The following BEND7 variants were observed in gnomAD, a reference collection of about 807,000 sequenced individuals.
BEND7 encodes BEN domain containing 7.
Under a neutral mutation model 50.9 loss-of-function variants are expected in BEND7, and 28 were observed. The observed-to-expected ratio is 0.55, with a 90% confidence interval of 0.41 to 0.75. The LOEUF is 0.75. Ranked by LOEUF, BEND7 falls within the 30% of genes least tolerant of loss-of-function variation. The pLI is 0.00. For missense variants in BEND7, 477 were observed against 491.3 expected, an observed-to-expected ratio of 0.97 and a Z score of 0.28; for synonymous variants, 170 against 183.9, an observed-to-expected ratio of 0.92 and a Z score of 0.61.
chr10:13,511,559 C>G (rs2078275149), intron 2 of BEND7, among the ~76,000 whole-genome samples: 1 of 152,132 alleles, frequency 6.6e-6, no homozygotes, highest in Admixed American at 6.6e-5. Context: ...CAAGAAAAGT[C>G]AAGCAGGGAG....
intron 6 of BEND7, among the ~76,000 whole-genome samples, chr10:13,465,434 A>C (rs545606431): frequency 6.6e-6 from 1 of 152,322 alleles, no homozygotes; most frequent in South Asian, 2.1e-4. Context: ...CAGTCGTACA[A>C]GACACAAAAG....
At chr10:13,472,924 G>A (rs767796030) in intron 6 of BEND7, among the ~76,000 whole-genome samples, 28 of 151,790 alleles carry the variant, frequency 1.8e-4, no homozygotes, top group Non-Finnish European at 3.5e-4. Flanking sequence ...TACACTCAGG[G>A]CCAATATCTG....
rs749265261 is a variant in BEND7, at chr10:13,441,789, A to G, written c.1235-39T>C. Reference sequence around the variant, plus strand: ...AGGGACTGTTGTCAGGAACGGGATTACTTACTGGCCAGAAATGGAAAAAGG... The same window carrying G: ...AGGGACTGTTGTCAGGAACGGGATTGCTTACTGGCCAGAAATGGAAAAAGG... On this transcript the variant is annotated intron_variant, in intron 8 of 8. Coordinates refer to ENST00000466271, the MANE Select transcript of BEND7 (RefSeq NM_001369863.1). 6 of 1,594,844 alleles carry G rather than the reference A, an allele frequency of 3.8e-6. No individual in the cohort carries two copies. The Admixed American group carries it at 1.0e-4, about 27-fold the overall frequency.
At chr10:13,478,503 AT>A (rs2075623473) in intron 6 of BEND7, among the ~76,000 whole-genome samples, 1 of 152,236 alleles carries the variant, frequency 6.6e-6, no homozygotes, top group Non-Finnish European at 1.5e-5. Flanking sequence ...TCAGGTAGAA[AT>A]GTTGACTAGC....
intron 5 of BEND7, among the ~76,000 whole-genome samples, chr10:13,481,922 C>T (rs1282376626): frequency 6.6e-6 from 1 of 152,214 alleles, no homozygotes; most frequent in Non-Finnish European, 1.5e-5. Flanking sequence ...GCTCAGCACG[C>T]CTTCTCCAAC....
At chr10:13,483,824 G>A (rs1162716959) in intron 5 of BEND7, among the ~76,000 whole-genome samples, 3 of 152,180 alleles carry the variant, frequency 2.0e-5, no homozygotes, top group African/African-American at 7.2e-5. Flanking sequence ...TTGGCTGCTG[G>A]GGGTACGGGA....
chr10:13,470,561 A>G (rs1038394036), intron 6 of BEND7, among the ~76,000 whole-genome samples: 4 of 152,224 alleles, frequency 2.6e-5, no homozygotes, highest in African/African-American at 9.7e-5. Context: ...AAAAAAAGCC[A>G]CACCCTTCTT....
chr10:13,524,968 A>G (rs115945731), intron 2 of BEND7, among the ~76,000 whole-genome samples: 1 of 152,240 alleles, frequency 6.6e-6, no homozygotes, highest in African/African-American at 2.4e-5. Flanking sequence ...CTATCCCTCA[A>G]AGCAAAACCA....
downstream of BEND7, chr10:13,439,464 C>T: frequency 2.5e-6 from 4 of 1,612,918 alleles, no homozygotes; most frequent in Non-Finnish European, 3.4e-6. Flanking sequence ...TGCACTCCCA[C>T]CCGGCAGAAC....
chr10:13,507,860 AT>A (rs1388446109), intron 2 of BEND7, among the ~76,000 whole-genome samples: 1 of 152,192 alleles, frequency 6.6e-6, no homozygotes, highest in African/African-American at 2.4e-5. Context: ...AACTCCTTGC[AT>A]TTTTTAGGGG....
chr10:13,454,392 A>G (rs760478220), intron 6 of BEND7, among the ~76,000 whole-genome samples: 17 of 152,152 alleles, frequency 1.1e-4, no homozygotes, highest in African/African-American at 2.2e-4. Flanking sequence ...GCGTTGCTTG[A>G]GACCAGGAGT....
At chr10:13,493,772 G>C (rs1276245361) in intron 4 of BEND7, among the ~76,000 whole-genome samples, 1 of 152,134 alleles carries the variant, frequency 6.6e-6, no homozygotes. Flanking sequence ...AAGTGTAATT[G>C]GAAAACATGG....
intron 6 of BEND7, among the ~76,000 whole-genome samples, chr10:13,478,477 A>C (rs1248273343): frequency 6.6e-6 from 1 of 152,224 alleles, no homozygotes; most frequent in Non-Finnish European, 1.5e-5. Context: ...AACTTACAAG[A>C]AATTATCAGA....
chr10:13,497,449 A>T (rs1245540848), intron 3 of BEND7, among the ~76,000 whole-genome samples: 1 of 152,192 alleles, frequency 6.6e-6, no homozygotes, highest in African/African-American at 2.4e-5. Flanking sequence ...AGCACAGAGG[A>T]GCAGGGATGG....
intron 2 of BEND7, among the ~76,000 whole-genome samples, chr10:13,519,970 T>C (rs2078971284): frequency 2.0e-5 from 3 of 151,908 alleles, no homozygotes; most frequent in South Asian, 2.1e-4. Context: ...ATGTTTTCAG[T>C]GAGGGTGAAG....
intron 8 of BEND7, 81 bp downstream of exon 8, chr10:13,447,185 G>T: frequency 6.9e-7 from 1 of 1,456,990 alleles, no homozygotes; most frequent in Non-Finnish European, 9.5e-7. Context: ...CATGTCTAAT[G>T]TTAAAATCGT....
At chr10:13,504,436 T>G (rs1241707635) in intron 2 of BEND7, among the ~76,000 whole-genome samples, 3 of 152,186 alleles carry the variant, frequency 2.0e-5, no homozygotes, top group Non-Finnish European at 4.4e-5. Context: ...CCAAGCACTT[T>G]GTGGCTCTAG....
chr10:13,500,633 C>A, intron 2 of BEND7: 1 of 986,340 alleles, frequency 1.0e-6, no homozygotes, highest in Middle Eastern at 5.2e-4. Context: ...GGCTTCACTG[C>A]TGACACAATG....
chr10:13,471,137 T>C (rs1269946742), intron 6 of BEND7, among the ~76,000 whole-genome samples: 3 of 152,232 alleles, frequency 2.0e-5, no homozygotes, highest in African/African-American at 7.2e-5. Context: ...ACATTTGTCA[T>C]TTATTTTATT....
Sources: allele counts gnomAD v4.1 joint callset (sites outside exome capture counted in the v4.1 genomes callset), GRCh38; gene constraint gnomAD v4.1.1; transcripts MANE v1.5; gene names NCBI Gene and HGNC (gene_info 2026-07-23, HGNC 2026-07-21).